Variants in CCNYL1 observed in about 807,000 individuals in gnomAD.
CCNYL1 encodes cyclin Y like 1, also known as cyclin-Y-like protein 1.
A neutral mutation model predicts 44.2 loss-of-function variants in CCNYL1; 16 were observed. The ratio of observed to expected loss-of-function variants is 0.36; its 90% CI spans 0.25 to 0.55. CCNYL1 has a LOEUF of 0.55. CCNYL1 is among the 20% of genes least tolerant of loss of function. CCNYL1 has a pLI of 0.85. For synonymous variants in CCNYL1, 159 were observed against 163.2 expected (o/e 0.97, Z 0.20); for missense variants, 348 against 451.8 (o/e 0.77, Z 2.08).
chr2:207,723,358 G>A (rs2091655564), intron 1 of CCNYL1, among the ~76,000 whole-genome samples: 1 of 152,206 alleles, frequency 6.6e-6, no homozygotes, highest in South Asian at 2.1e-4. Flanking sequence ...GAAATGCTGA[G>A]TTAGACAGTA....
chr2:207,723,602 G>A (rs772719124), intron 1 of CCNYL1, among the ~76,000 whole-genome samples: 3 of 152,002 alleles, frequency 2.0e-5, no homozygotes, highest in Non-Finnish European at 2.9e-5. Flanking sequence ...TGGGCTGGGC[G>A]CGGTGACTCA....
At chr2:207,728,370 G>C (rs1330078571) in intron 3 of CCNYL1, among the ~76,000 whole-genome samples, 1 of 151,784 alleles carries the variant, frequency 6.6e-6, no homozygotes, top group Non-Finnish European at 1.5e-5. Context: ...TAACCTACTG[G>C]GCTCAAGTGA....
Position 207,754,727 on chromosome 2 carries a change from TC to T in CCNYL1, c.*1031del, listed in dbSNP as rs2091918756. On this transcript the variant is annotated 3_prime_UTR_variant, in exon 10 of 10. Coordinates refer to ENST00000295414, the MANE Select transcript of CCNYL1 (RefSeq NM_001330218.2). ...TGTGCACTCACTGCAGCCTAGAACT[TC>T]CTGGTCTCAAGCCATCCTCTAGCCT... The T allele has an allele frequency of 6.5e-6, 1 of 154,176 alleles. No homozygotes were observed. The highest frequency in any genetic ancestry group is 2.4e-5 in the African/African-American group (1 of 41,512). 9.6% of individuals were successfully genotyped at this position (154,176 alleles called of 1,614,324 possible). A position where few individuals can be genotyped will look rare whatever the true frequency, so the allele number is the denominator to read the frequency against.
chr2:207,727,813 G>A (rs1451737553), intron 3 of CCNYL1, among the ~76,000 whole-genome samples: 1 of 151,760 alleles, frequency 6.6e-6, no homozygotes, highest in Non-Finnish European at 1.5e-5. Flanking sequence ...TTTTGTGTTG[G>A]GTCCCCTAAA....
chr2:207,743,240 T>C (rs941379298), intron 7 of CCNYL1, among the ~76,000 whole-genome samples: 1 of 152,228 alleles, frequency 6.6e-6, no homozygotes, highest in East Asian at 1.9e-4. Context: ...GCAGGAGTGG[T>C]GCTTCCAGAT....
rs140026813 is a variant in CCNYL1 at position 207,753,617 on chromosome 2, C to T, written c.999C>T (p.Asp333=). 142 of 1,613,208 alleles carry T rather than the reference C, an allele frequency of 8.8e-5. No individual in the cohort carries two copies. Among genetic ancestry groups the T allele is most frequent in the Non-Finnish European group, 1.2e-4 (137 of 1,179,336 alleles). ...TTTCTAGATTGTGTGAAGACAAAGA[C>T]TTGTGTAGAGCCGCTATGAGAAGGT... ...EAISRLCEDK[D]LCRAAMRRSF... is the part of the protein sequence containing the mutation. The change falls in exon 10 of 10, where the codon GAC becomes GAT. Residue 333 remains aspartate (D), a synonymous_variant. Transcript: ENST00000295414.
rs766656994 is a variant in CCNYL1, at chr2:207,754,278, C to G, written c.*580C>G. 6.6e-6 allele frequency: 1 copy of G among 152,642 alleles called. No individual in the cohort carries two copies. The highest frequency in any genetic ancestry group is 1.5e-5 in the Non-Finnish European group (1 of 68,052). The allele number at this position is 152,642 out of a possible 1,614,324, so 9.5% of individuals were successfully genotyped here. A position where few individuals can be genotyped will look rare whatever the true frequency, so the allele number is the denominator to read the frequency against. ...TTTAAACCAAAAAGCTGCTGGATAA[C>G]ATTTGTCATTCATATTCTTTGCAAG... On this transcript the variant is annotated 3_prime_UTR_variant, in exon 10 of 10. Transcript: ENST00000295414.
intron 1 of CCNYL1, among the ~76,000 whole-genome samples, chr2:207,715,511 T>C (rs10932206): frequency 0.16 from 23,299 of 150,220 alleles, 2,969 homozygotes; most frequent in East Asian, 0.39. Flanking sequence ...TCCCAAGTAG[T>C]TGGGATTACA....
chr2:207,724,474 A>T (rs1187760432), intron 1 of CCNYL1, among the ~76,000 whole-genome samples: 1 of 152,192 alleles, frequency 6.6e-6, no homozygotes, highest in African/African-American at 2.4e-5. Flanking sequence ...AGCAGTAGAG[A>T]GGAGAGTGTG....
chr2:207,729,492 C>T (rs984592911), intron 3 of CCNYL1, among the ~76,000 whole-genome samples: 9 of 152,052 alleles, frequency 5.9e-5, no homozygotes, highest in East Asian at 3.9e-4. Flanking sequence ...GCTTCCCTCA[C>T]GTGTGATAGT....
intron 3 of CCNYL1, among the ~76,000 whole-genome samples, chr2:207,732,925 A>G (rs758437604): frequency 3.3e-5 from 5 of 152,172 alleles, no homozygotes; most frequent in Non-Finnish European, 5.9e-5. Context: ...GAACTCCTTA[A>G]TTTGTCCCCA....
In CCNYL1 at chr2:207,744,228, T is replaced by TTGTG. The variant is rs61530643; in HGVS notation, c.639+1904_639+1907dup. On this transcript the variant is annotated intron_variant, in intron 7 of 9. Transcript: ENST00000295414. ...AGTGCCAAGACTAGACAGGAACATT[T>TTGTG]TGTGTGTGTGTGTGTGTGTGTTCAA... Among the ~76,000 whole-genome samples, 278 of 150,330 alleles carry TTGTG rather than the reference T, an allele frequency of 1.8e-3. 2 individuals carry two copies. The highest frequency in any genetic ancestry group is 0.014 in the Middle Eastern group (4 of 294).
chr2:207,724,101 C>G (rs1575211521), intron 1 of CCNYL1, among the ~76,000 whole-genome samples: 1 of 152,044 alleles, frequency 6.6e-6, no homozygotes, highest in Non-Finnish European at 1.5e-5. Context: ...AGAAACAGCC[C>G]TAAGATCTGC....
At chr2:207,729,259 C>G (rs868241637) in intron 3 of CCNYL1, among the ~76,000 whole-genome samples, 6 of 85,548 alleles carry the variant, frequency 7.0e-5, no homozygotes, top group Non-Finnish European at 1.1e-4. Flanking sequence ...CGCCCCCCCC[C>G]GCCCCCACCC....
chr2:207,752,636 A>G (rs1019296599), intron 9 of CCNYL1, among the ~76,000 whole-genome samples: 8 of 152,232 alleles, frequency 5.3e-5, no homozygotes, highest in African/African-American at 1.9e-4. Context: ...CTTGGTGAGT[A>G]TACAGCAGAA....
intron 6 of CCNYL1, among the ~76,000 whole-genome samples, chr2:207,741,022 GAGGC>G (rs2091805253): frequency 1.3e-5 from 2 of 152,050 alleles, no homozygotes; most frequent in Non-Finnish European, 2.9e-5. Context: ...TTGGGAGGCC[GAGGC>G]AGGCGGATCA....
At chr2:207,745,778 G>A (rs1452283363) in intron 7 of CCNYL1, among the ~76,000 whole-genome samples, 4 of 152,054 alleles carry the variant, frequency 2.6e-5, no homozygotes, top group South Asian at 2.1e-4. Context: ...GTGAAACCCC[G>A]TCTCTACTAA....
chr2:207,716,490 A>G (rs1416756387), intron 1 of CCNYL1, among the ~76,000 whole-genome samples: 6 of 152,220 alleles, frequency 3.9e-5, no homozygotes, highest in Admixed American at 2.0e-4. Context: ...CATAACTTAC[A>G]GCAGTGAAAT....
intron 1 of CCNYL1, among the ~76,000 whole-genome samples, chr2:207,719,363 C>T (rs1323360573): frequency 5.5e-5 from 8 of 146,390 alleles, no homozygotes; most frequent in African/African-American, 1.3e-4. Flanking sequence ...TACAGTGGCA[C>T]GAGCTCAGCT....
Sources: gnomAD v4.1 joint callset for allele counts (sites outside exome capture counted in the v4.1 genomes callset) on GRCh38, gnomAD v4.1.1 for gene constraint, MANE v1.5 for transcripts, NCBI Gene and HGNC (gene_info 2026-07-23, HGNC 2026-07-21) for gene names.